CERS4: variants seen among roughly 807,000 people sequenced by gnomAD.
CERS4 encodes the protein ceramide synthase 4, also known as LAG1 homolog, ceramide synthase 4.
In CERS4, 65 loss-of-function variants were observed where a neutral mutation model predicts 51.8. The ratio of observed to expected loss-of-function variants is 1.26; its 90% confidence interval spans 1.03 to 1.54. CERS4 has a LOEUF of 1.54. Among genes scored for constraint, CERS4 ranks in the 40% most tolerant of loss-of-function variants. The probability of loss-of-function intolerance (pLI) is 0.00; values close to 1 mark genes in which losing one functional copy is unlikely to be tolerated. For missense variants in CERS4, 563 were observed against 500.4 expected, an observed-to-expected ratio of 1.13 and a Z score of -1.19; for synonymous variants, 228 against 208.4, an observed-to-expected ratio of 1.09 and a Z score of -0.81.
chr19:8,257,273 T>A lies in CERS4; in HGVS notation c.741+196T>A, dbSNP rs1676729842. ...CCACCCCCTCTGTCTTCCTGGGTGATGAAGCCCCACCCTTCTTGGCTTCCT... is the reference window on the plus strand; with the variant it reads ...CCACCCCCTCTGTCTTCCTGGGTGAAGAAGCCCCACCCTTCTTGGCTTCCT... On this transcript the variant is annotated intron_variant, in intron 9 of 11. Transcript: ENST00000251363. 10 of 599,512 alleles carry A rather than the reference T, an allele frequency of 1.7e-5. No homozygotes were observed. In the South Asian group the frequency reaches 2.3e-4, roughly 14 times the overall value. 37.1% of individuals were successfully genotyped at this position (599,512 alleles called of 1,614,324 possible).
At chr19:8,260,608 T>C (rs1210418373) in intron 10 of CERS4, among the ~76,000 whole-genome samples, 2 of 151,928 alleles carry the variant, frequency 1.3e-5, no homozygotes, top group Non-Finnish European at 2.9e-5. Context: ...CTTTTTGTTT[T>C]TTTCTTTCTT....
At chr19:8,227,861 G>A (rs1295231468) in intron 2 of CERS4, among the ~76,000 whole-genome samples, 1 of 151,908 alleles carries the variant, frequency 6.6e-6, no homozygotes. Context: ...GGATTTTCAG[G>A]TTTTTGTTGC....
intron 4 of CERS4, among the ~76,000 whole-genome samples, 198 bp downstream of exon 4, chr19:8,254,814 A>AC (rs1969288702): frequency 6.7e-6 from 1 of 148,524 alleles, no homozygotes. Flanking sequence ...ACGACGCCCC[A>AC]CCCCTCCCAG....
chr19:8,240,192 A>G (rs1428733517), intron 2 of CERS4, among the ~76,000 whole-genome samples: 1 of 152,106 alleles, frequency 6.6e-6, no homozygotes, highest in Non-Finnish European at 1.5e-5. Context: ...AGCAGTTGCT[A>G]TGGATTAAGC....
chr19:8,213,494 A>AC (rs1391316889), intron 2 of CERS4, among the ~76,000 whole-genome samples: 1 of 151,998 alleles, frequency 6.6e-6, no homozygotes, highest in Non-Finnish European at 1.5e-5. Flanking sequence ...ATACACATGG[A>AC]CAGGGGTCTT....
rs772695825 is a variant in CERS4, at chr19:8,261,990, G to C, written c.1066G>C (p.Ala356Pro). The C allele has an allele frequency of 1.3e-6, 2 of 1,596,594 alleles. No homozygotes were observed. Among genetic ancestry groups the C allele is most frequent in the South Asian group, 2.3e-5 (2 of 88,774 alleles). Residue 356 changes from alanine (A) to proline (P), a missense_variant, in exon 12 of 12, where the codon GCC becomes CCC. By Grantham distance (27) the Ala-to-Pro change is conservative. Transcript: ENST00000251363. The stretch of plus-strand genomic sequence containing the variant: ...AGACTCCAGTGAGGAGGCGGCGGCG[G>C]CCCAGGAACCTCTGCAGCTAAAGAA... Reference protein sequence around the residue: ...ESDSSEEAAAAQEPLQLKNGA... With the variant: ...ESDSSEEAAAPQEPLQLKNGA...
intron 2 of CERS4, chr19:8,238,488 T>C: frequency 1.0e-6 from 1 of 985,186 alleles, no homozygotes; most frequent in Non-Finnish European, 1.2e-6. Context: ...AATCATACCA[T>C]CTGGATGGCA....
intron 2 of CERS4, among the ~76,000 whole-genome samples, chr19:8,237,026 A>AAAT (rs1968297428): frequency 1.3e-5 from 2 of 149,566 alleles, no homozygotes; most frequent in South Asian, 4.2e-4. Flanking sequence ...AAAAAAAAAA[A>AAAT]ACGAAAAGGA....
rs1032570874 is a variant in CERS4, at chr19:8,257,825, C to T, written c.742-54C>T. 2.6e-5 allele frequency: 37 copies of T among 1,425,512 alleles called. No individual in the cohort carries two copies. The African/African-American group carries it at 4.5e-4, about 17-fold the overall frequency. 88.3% of individuals were successfully genotyped at this position (1,425,512 alleles called of 1,614,324 possible). ...CTGGTCCCATCCTATAGCACCTTCT[C>T]TTTGAGACCAGGGCCCTGGTCCTGA... On this transcript the variant is annotated intron_variant, in intron 9 of 11. Coordinates refer to ENST00000251363, the MANE Select transcript of CERS4 (RefSeq NM_024552.3).
chr19:8,223,333 G>C (rs138748104), intron 2 of CERS4, among the ~76,000 whole-genome samples: 1 of 151,038 alleles, frequency 6.6e-6, no homozygotes, highest in Admixed American at 6.6e-5. Flanking sequence ...TTAATTGGCC[G>C]GGCCGGGTGC....
chr19:8,250,901 G>GTTCCCA, intron 2 of CERS4, 175 bp from the exon 3 acceptor site: 1 of 1,440,232 alleles, frequency 6.9e-7, no homozygotes, highest in Non-Finnish European at 9.1e-7. Context: ...TGGGACCAGA[G>GTTCCCA]GACAGTTCCA....
At chr19:8,215,207 G>A (rs530522167) in intron 2 of CERS4, among the ~76,000 whole-genome samples, 13 of 152,130 alleles carry the variant, frequency 8.5e-5, no homozygotes, top group Admixed American at 4.6e-4. Context: ...GGCCAGGCGC[G>A]GTGGCTCACA....
At chr19:8,239,931 G>T (rs992044775) in intron 2 of CERS4, among the ~76,000 whole-genome samples, 3 of 152,108 alleles carry the variant, frequency 2.0e-5, no homozygotes, top group African/African-American at 7.2e-5. Context: ...TTTCTTTCAT[G>T]AAACTTATGC....
At chr19:8,218,718 G>C (rs994218478) in intron 2 of CERS4, among the ~76,000 whole-genome samples, 1 of 152,186 alleles carries the variant, frequency 6.6e-6, no homozygotes, top group African/African-American at 2.4e-5. Flanking sequence ...GTCCTGGACC[G>C]TCATCTGAGA....
At position 8,254,624 on chromosome 19, in the gene CERS4, C is replaced by T. The variant is rs1315348820; in HGVS notation, c.291+8C>T. On this transcript the variant is annotated splice_region_variant and intron_variant, in intron 4 of 11. Transcript: ENST00000251363. ...GGGCACAGGCCCAAGGAGGTGAGAG[C>T]CCCCCATGCCCTCCGACCCGCACTA... The T allele has an allele frequency of 3.1e-6, 5 of 1,597,526 alleles. No homozygotes were observed. Among genetic ancestry groups the T allele is most frequent in the Non-Finnish European group, 4.3e-6 (5 of 1,172,258 alleles).
Position 8,251,769 on chromosome 19 carries a change from A to G in CERS4, c.173+520A>G, listed in dbSNP as rs539301068. Among the ~76,000 whole-genome samples the G allele has an allele frequency of 2.5e-4, 37 of 150,554 alleles. 1 individual carries two copies. The South Asian group carries it at 6.9e-3, about 28-fold the overall frequency. On this transcript the variant is annotated intron_variant, in intron 3 of 11. Coordinates refer to ENST00000251363, the MANE Select transcript of CERS4 (RefSeq NM_024552.3). ...CAGTGAGCCAAGATTGTGCCGCTGCACTCCAGCCTCGGCAACAGAGCAAGA... is the reference window on the plus strand; with the variant it reads ...CAGTGAGCCAAGATTGTGCCGCTGCGCTCCAGCCTCGGCAACAGAGCAAGA...
intron 2 of CERS4, among the ~76,000 whole-genome samples, chr19:8,237,002 CAAAAAAAAAAAA>C (rs781273995): frequency 4.4e-5 from 2 of 44,966 alleles, no homozygotes; most frequent in Non-Finnish European, 4.1e-5. Context: ...GACTCTGTCT[CAAAAAAAAAAAA>C]AAAAAAAAAA....
rs1967061681 is a variant in CERS4 at position 8,210,973 on chromosome 19, G to A, written c.-2+111G>A. The stretch of plus-strand genomic sequence containing the variant: ...TTCAGTTTACCCATCTGTAAAATGG[G>A]TCAGTAGTATCTGAGCCTGGGAGTG... On this transcript the variant is annotated intron_variant, in intron 2 of 11. Coordinates refer to ENST00000251363, the MANE Select transcript of CERS4 (RefSeq NM_024552.3). This position sits in a 1 kb window ranked among gnomAD's most constrained non-coding sequence, Gnocchi z 4.2. 6.6e-6 allele frequency: 1 copy of A among 152,054 alleles called. No homozygotes were observed. The highest frequency in any genetic ancestry group is 6.6e-5 in the Admixed American group (1 of 15,252). 9.4% of individuals were successfully genotyped at this position (152,054 alleles called of 1,614,324 possible).
At chr19:8,250,883 G>A (rs1969042224) in intron 2 of CERS4, 193 bp from the exon 3 acceptor site, 5 of 1,414,584 alleles carry the variant, frequency 3.5e-6, no homozygotes, top group Non-Finnish European at 3.7e-6. Flanking sequence ...ATGAAGTGGT[G>A]GCTCTTCTGG....
Sources: allele counts gnomAD v4.1 joint callset (sites outside exome capture counted in the v4.1 genomes callset), GRCh38; gene constraint gnomAD v4.1.1; non-coding constraint Gnocchi (gnomAD v3.1); transcripts MANE v1.5; gene names NCBI Gene and HGNC (gene_info 2026-07-23, HGNC 2026-07-21).